Variants in FAT4 observed in about 807,000 individuals in gnomAD.
FAT4 encodes FAT atypical cadherin 4.
FAT4 carries 84 observed loss-of-function variants against 303.9 expected under a neutral mutation model. The observed-to-expected ratio is 0.28, with a 90% CI of 0.23 to 0.33. The LOEUF (loss-of-function observed/expected upper bound fraction) is 0.33. Among genes scored for constraint, FAT4 ranks in the 10% least tolerant of loss-of-function variants. The probability of loss-of-function intolerance (pLI) is 1.00; values close to 1 mark genes in which losing one functional copy is unlikely to be tolerated. For synonymous variants in FAT4, 2,307 were observed against 2,298.8 expected (o/e 1.00, Z -0.10); for missense variants, 6,005 against 6,146.8 (o/e 0.98, Z 0.77).
At chr4:125,365,129 G>C (rs1249687475) in intron 2 of FAT4, among the ~76,000 whole-genome samples, 1 of 152,144 alleles carries the variant, frequency 6.6e-6, no homozygotes, top group East Asian at 1.9e-4. Flanking sequence ...TTTCTGCCTT[G>C]AGCAACTAAG....
intron 2 of FAT4, among the ~76,000 whole-genome samples, chr4:125,340,161 A>G (rs970995082): frequency 3.9e-5 from 6 of 152,238 alleles, no homozygotes; most frequent in Admixed American, 3.3e-4. Context: ...GATATTCAAT[A>G]TAAGCAAAAT....
intron 12 of FAT4, among the ~76,000 whole-genome samples, chr4:125,473,272 T>G (rs1271840827): frequency 6.6e-6 from 1 of 152,038 alleles, no homozygotes; most frequent in African/African-American, 2.4e-5. Flanking sequence ...AATGGAATAT[T>G]TTACTTGATC....
Position 125,451,233 on chromosome 4 carries a change from T to G in FAT4, c.10223T>G (p.Leu3408Arg), listed in dbSNP as rs549805956. 6.2e-7 allele frequency: 1 copy of G among 1,614,136 alleles called. No individual in the cohort carries two copies. Among genetic ancestry groups the G allele is most frequent in the Non-Finnish European group, 8.5e-7 (1 of 1,180,032 alleles). Residue 3408 changes from leucine (L) to arginine (R), a missense_variant, in exon 10 of 18, where the codon CTA becomes CGA. Leu to Arg is a moderately radical substitution (Grantham distance 102). Coordinates refer to ENST00000394329, the MANE Select transcript of FAT4 (RefSeq NM_001291303.3). The stretch of plus-strand genomic sequence containing the variant: ...GCAAATGACCCACCCATTTTTACTC[T>G]AAACATCTACAGTGTGCAGATCAGT... ...LDANDPPIFTLNIYSVQISEG... is the reference protein window; with the variant it reads ...LDANDPPIFTRNIYSVQISEG...
At chr4:125,386,866 C>G (rs1733769865) in intron 2 of FAT4, among the ~76,000 whole-genome samples, 1 of 152,124 alleles carries the variant, frequency 6.6e-6, no homozygotes, top group African/African-American at 2.4e-5. Context: ...GGTCCCCAAA[C>G]TTTTTGGTAC....
At position 125,315,452 on chromosome 4, in the gene FAT4, C is replaced by T. The variant is rs1005349968; in HGVS notation, c.-538C>T. ...GACTGGGGCCGCCGGAGAACGACCCCCCCTGGCATGGTGAGGGGAGGGCGA... is the reference window on the plus strand; with the variant it reads ...GACTGGGGCCGCCGGAGAACGACCCTCCCTGGCATGGTGAGGGGAGGGCGA... On this transcript the variant is annotated 5_prime_UTR_variant, in exon 1 of 18. Transcript: ENST00000394329. Among the ~76,000 whole-genome samples, 2 of 152,196 alleles carry T rather than the reference C, an allele frequency of 1.3e-5. No individual in the cohort carries two copies. Among genetic ancestry groups the T allele is most frequent in the Non-Finnish European group, 2.9e-5 (2 of 68,042 alleles).
chr4:125,484,612 A>G (rs1048380600), intron 16 of FAT4, among the ~76,000 whole-genome samples: 1 of 152,160 alleles, frequency 6.6e-6, no homozygotes, highest in African/African-American at 2.4e-5. Context: ...ATGCATTGTT[A>G]GGTGATTTCA....
intron 17 of FAT4, 149 bp from the exon 18 acceptor site, chr4:125,489,752 T>A: frequency 1.7e-6 from 1 of 602,888 alleles, no homozygotes; most frequent in Non-Finnish European, 2.7e-6. Flanking sequence ...TTCAGCTGGA[T>A]GATGGTTCTG....
intron 10 of FAT4, among the ~76,000 whole-genome samples, chr4:125,461,904 G>T (rs1024018067): frequency 7.9e-5 from 12 of 151,926 alleles, no homozygotes; most frequent in Non-Finnish European, 1.5e-4. Context: ...TCTCTGGTGA[G>T]AAATCAAGCA....
At position 125,318,175 on chromosome 4, in the gene FAT4, T is replaced by C. The variant is rs2125940669; in HGVS notation, c.1764T>C (p.Tyr588=). 1 of 1,614,192 alleles carries C rather than the reference T, an allele frequency of 6.2e-7. No individual in the cohort carries two copies. The highest frequency in any genetic ancestry group is 1.3e-5 in the African/African-American group (1 of 75,058). Residue 588 remains tyrosine (Y), a synonymous_variant, in exon 2 of 18, where the codon TAT becomes TAC. Transcript: ENST00000394329. ...CAGTATTTAGCCAGCCAGAAGGGTA[T>C]GATGTGTCTGTGGTTGAGAATGCCC... The part of the protein sequence containing the change: ...EKPVFSQPEG[Y]DVSVVENAPT...
intron 8 of FAT4, among the ~76,000 whole-genome samples, chr4:125,440,177 G>A (rs1352465225): frequency 3.3e-5 from 5 of 151,906 alleles, no homozygotes; most frequent in African/African-American, 4.8e-5. Flanking sequence ...TTGAATGAAC[G>A]ATTTTAATAT....
chr4:125,478,278 T>A (rs1727103442), intron 14 of FAT4, among the ~76,000 whole-genome samples: 1 of 152,202 alleles, frequency 6.6e-6, no homozygotes, highest in African/African-American at 2.4e-5. Context: ...TCACACTAGT[T>A]CGTTATTATT....
chr4:125,419,576 C>G (rs1203283089), intron 7 of FAT4, among the ~76,000 whole-genome samples: 1 of 152,168 alleles, frequency 6.6e-6, no homozygotes, highest in Non-Finnish European at 1.5e-5. Context: ...TAATCATACC[C>G]TATCTCTTGC....
At chr4:125,468,883 G>T in intron 12 of FAT4, 64 bp downstream of exon 12, 1 of 1,482,434 alleles carries the variant, frequency 6.7e-7, no homozygotes, top group African/African-American at 1.4e-5. Flanking sequence ...GTATGAATTG[G>T]GGTGCAAATC....
In FAT4 at chr4:125,320,946, T is replaced by C. The variant is rs1231194710; in HGVS notation, c.4535T>C (p.Leu1512Ser). 1.9e-6 allele frequency: 3 copies of C among 1,614,116 alleles called. No homozygotes were observed. Among genetic ancestry groups the C allele is most frequent in the African/African-American group, 2.7e-5 (2 of 74,946 alleles). The part of the protein sequence containing the change: ...AVPIETRRYA[L>S]KNVTILVTDL... ...CCAATAGAAACTAGACGGTATGCTT[T>C]GAAGAACGTGACCATTTTGGTTACA... The change falls in exon 2 of 18, where the codon TTG (leucine) becomes TCG (serine). Residue 1512 changes from leucine (L) to serine (S), a missense_variant. Transcript: ENST00000394329.
chr4:125,363,180 G>A (rs1252771455), intron 2 of FAT4, among the ~76,000 whole-genome samples: 1 of 152,044 alleles, frequency 6.6e-6, no homozygotes. Context: ...AGGAATAAAT[G>A]CATAATTTCA....
rs951028198 is a variant in FAT4 at position 125,464,782 on chromosome 4, C to T, written c.11905+1115C>T. 2.6e-5 allele frequency among the ~76,000 whole-genome samples: 4 copies of T among 151,954 alleles called. No individual in the cohort carries two copies. The East Asian group carries it at 5.8e-4, about 22-fold the overall frequency. ...AACATGCGGTGTTTGGTTTTTTGTC[C>T]TTGCGATAGTTTGCTGAGAATGATG... On this transcript the variant is annotated intron_variant, in intron 11 of 17. Coordinates refer to ENST00000394329, the MANE Select transcript of FAT4 (RefSeq NM_001291303.3).
intron 2 of FAT4, among the ~76,000 whole-genome samples, chr4:125,332,985 C>T (rs905543418): frequency 6.6e-6 from 1 of 151,688 alleles, no homozygotes; most frequent in East Asian, 1.9e-4. Context: ...AAAATACTTA[C>T]TCTTATTTTT....
At chr4:125,389,814 C>G (rs923190833) in intron 2 of FAT4, among the ~76,000 whole-genome samples, 1 of 152,160 alleles carries the variant, frequency 6.6e-6, no homozygotes, top group Non-Finnish European at 1.5e-5. Flanking sequence ...TACTTAAAAC[C>G]TTGTTCATAG....
chr4:125,388,979 G>A (rs192203880), intron 2 of FAT4, among the ~76,000 whole-genome samples: 225 of 152,272 alleles, frequency 1.5e-3, no homozygotes, highest in Non-Finnish European at 2.7e-3. Flanking sequence ...AAGAGTTTTA[G>A]TGGTGAGAGA....
Sources: allele counts gnomAD v4.1 joint callset (sites outside exome capture counted in the v4.1 genomes callset), GRCh38; gene constraint gnomAD v4.1.1; transcripts MANE v1.5; gene names NCBI Gene and HGNC (gene_info 2026-07-23, HGNC 2026-07-21).